UNC13C: variants seen among roughly 807,000 people sequenced by gnomAD.
UNC13C encodes protein unc-13 homolog C.
Under a neutral mutation model 245.4 loss-of-function variants are expected in UNC13C, and 174 were observed. The ratio of observed to expected loss-of-function variants is 0.71; its 90% CI spans 0.63 to 0.80. The LOEUF (loss-of-function observed/expected upper bound fraction) is 0.80. Ranked by LOEUF, UNC13C falls within the 30% of genes least tolerant of loss-of-function variation. The probability of loss-of-function intolerance (pLI) is 0.00; values close to 1 mark genes in which losing one functional copy is unlikely to be tolerated. For missense variants in UNC13C, 2,829 were observed against 2,602.9 expected (o/e 1.09, Z -1.89); for synonymous variants, 992 against 895.1 (o/e 1.11, Z -1.93).
chr15:54,007,978 A>G (rs567695419), intron 1 of UNC13C, among the ~76,000 whole-genome samples: 2 of 152,308 alleles, frequency 1.3e-5, no homozygotes, highest in South Asian at 4.1e-4. Flanking sequence ...CTGGGTATTT[A>G]GTACTTTACT....
chr15:54,163,698 G>A (rs1194976286), intron 4 of UNC13C, among the ~76,000 whole-genome samples: 1 of 152,142 alleles, frequency 6.6e-6, no homozygotes, highest in Non-Finnish European at 1.5e-5. Flanking sequence ...GTATCTGCTA[G>A]GTGCTTTATG....
Position 54,626,872 on chromosome 15 carries a change from T to A in UNC13C, c.6404T>A (p.Leu2135His). The A allele has an allele frequency of 6.2e-7, 1 of 1,613,228 alleles. No individual in the cohort carries two copies. The highest frequency in any genetic ancestry group is 2.2e-5 in the East Asian group (1 of 44,820). ...ENRPGAYELH[L>H]SVKDYCFARE... ...CGACCAGGGGCTTATGAACTTCATC[T>A]CTCAGTTAAGGATTACTGCTTTGCC... Residue 2135 changes from leucine (L) to histidine (H), a missense_variant, in exon 33 of 33, where the codon CTC becomes CAC. By Grantham distance (99) the Leu-to-His change is moderately conservative. Transcript: ENST00000260323.
At chr15:53,897,610 A>G in the UNC13C span, among the ~76,000 whole-genome samples, 12 of 152,070 alleles carry the variant, frequency 7.9e-5, no homozygotes, top group African/African-American at 2.7e-4. Flanking sequence ...ATACATTACA[A>G]CTCAACTGAA....
intron 19 of UNC13C, among the ~76,000 whole-genome samples, chr15:54,453,007 T>G (rs1055672118): frequency 6.6e-6 from 1 of 152,154 alleles, no homozygotes; most frequent in Non-Finnish European, 1.5e-5. Context: ...CAGGACAGGA[T>G]GCATTCTGGT....
the UNC13C span, among the ~76,000 whole-genome samples, chr15:53,874,578 A>G: frequency 6.6e-6 from 1 of 152,232 alleles, no homozygotes; most frequent in African/African-American, 2.4e-5. Context: ...CAGAGAGGAC[A>G]GGTGAACATC....
intron 2 of UNC13C, among the ~76,000 whole-genome samples, chr15:54,016,551 ACCTTCTTAAGAATAAAGTC>A (rs1460486233): frequency 6.6e-6 from 1 of 152,232 alleles, no homozygotes; most frequent in Non-Finnish European, 1.5e-5. Context: ...TTGAGTGGTT[ACCTTCTTAAGAATAAAGTC>A]CCTTCTCCAC....
At chr15:54,113,412 G>A (rs957920540) in intron 2 of UNC13C, among the ~76,000 whole-genome samples, 3 of 152,170 alleles carry the variant, frequency 2.0e-5, no homozygotes, top group Non-Finnish European at 2.9e-5. Flanking sequence ...AGTGGCAACT[G>A]GAACAAAGAA....
intron 30 of UNC13C, among the ~76,000 whole-genome samples, chr15:54,617,909 C>T (rs1331311812): frequency 6.6e-6 from 1 of 151,948 alleles, no homozygotes; most frequent in Non-Finnish European, 1.5e-5. Flanking sequence ...AATCTACCTC[C>T]TTGTTTTGTG....
intron 30 of UNC13C, among the ~76,000 whole-genome samples, chr15:54,610,643 GTTCTT>G (rs1900037972): frequency 2.0e-5 from 3 of 152,270 alleles, no homozygotes; most frequent in Admixed American, 6.5e-5. Flanking sequence ...GGTATTTTAA[GTTCTT>G]TTCAAGTGGT....
At chr15:54,489,979 T>C (rs973113536) in intron 19 of UNC13C, among the ~76,000 whole-genome samples, 1 of 152,212 alleles carries the variant, frequency 6.6e-6, no homozygotes, top group East Asian at 1.9e-4. Context: ...ATTACTCTTT[T>C]GTTGAACTGG....
intron 2 of UNC13C, among the ~76,000 whole-genome samples, chr15:54,082,760 TC>T (rs1372596589): frequency 6.6e-6 from 1 of 152,186 alleles, no homozygotes; most frequent in African/African-American, 2.4e-5. Flanking sequence ...TTTTATCTTT[TC>T]CCTTGAGGGT....
rs1189845977 is a variant in UNC13C at position 54,567,990 on chromosome 15, TA to T, written c.6106+47del. 3.7e-6 allele frequency: 5 copies of T among 1,359,088 alleles called. No homozygotes were observed. The African/African-American group carries it at 7.3e-5, about 20-fold the overall frequency. 84.2% of individuals were successfully genotyped at this position (1,359,088 alleles called of 1,614,324 possible). A position where few individuals can be genotyped will look rare whatever the true frequency, so the allele number is the denominator to read the frequency against. ...CCTGAGAATAAGGTAAACTGAATAC[TA>T]AAATAAAATTTAACATCAGAATTAT... is the stretch of plus-strand genomic sequence containing the variant. On this transcript the variant is annotated intron_variant, in intron 30 of 32. Transcript: ENST00000260323.
At chr15:54,432,568 C>T (rs746695745) in intron 19 of UNC13C, among the ~76,000 whole-genome samples, 12 of 151,994 alleles carry the variant, frequency 7.9e-5, no homozygotes, top group African/African-American at 2.4e-4. Flanking sequence ...AAAGACACAA[C>T]GTACCAGAAT....
intron 30 of UNC13C, among the ~76,000 whole-genome samples, chr15:54,568,677 C>T (rs750351883): frequency 2.0e-5 from 3 of 152,100 alleles, no homozygotes; most frequent in Non-Finnish European, 2.9e-5. Flanking sequence ...GCTCAAACTT[C>T]AGAACCTAAT....
intron 4 of UNC13C, among the ~76,000 whole-genome samples, chr15:54,168,877 G>A (rs2033282351): frequency 6.6e-6 from 1 of 152,136 alleles, no homozygotes. Context: ...CTCATAACAA[G>A]TGCTGTGTCT....
intron 26 of UNC13C, among the ~76,000 whole-genome samples, chr15:54,539,360 A>ACATAAG (rs1896137256): frequency 6.6e-6 from 1 of 152,070 alleles, no homozygotes; most frequent in Non-Finnish European, 1.5e-5. Context: ...GCAGAAGAAA[A>ACATAAG]GCAGAAGAAA....
At chr15:53,937,155 G>A in the UNC13C span, among the ~76,000 whole-genome samples, 1 of 152,154 alleles carries the variant, frequency 6.6e-6, no homozygotes, top group Admixed American at 6.5e-5. Context: ...TTTCGATGTT[G>A]ATAACTAGAA....
intron 10 of UNC13C, among the ~76,000 whole-genome samples, chr15:54,266,711 C>T (rs2036556299): frequency 6.6e-6 from 1 of 151,994 alleles, no homozygotes; most frequent in Non-Finnish European, 1.5e-5. Context: ...TAAGTTTTGA[C>T]ATATGTGTAC....
At chr15:54,551,677 C>A (rs1053531574) in intron 28 of UNC13C, among the ~76,000 whole-genome samples, 10 of 151,986 alleles carry the variant, frequency 6.6e-5, no homozygotes, top group Non-Finnish European at 1.0e-4. Flanking sequence ...ACTGAAATAA[C>A]ATGAAGGACT....
Sources: gnomAD v4.1 joint callset for allele counts (sites outside exome capture counted in the v4.1 genomes callset) on GRCh38, gnomAD v4.1.1 for gene constraint, MANE v1.5 for transcripts, NCBI Gene and HGNC (gene_info 2026-07-23, HGNC 2026-07-21) for gene names.